MRTFB: variants seen among roughly 807,000 people sequenced by gnomAD.
MRTFB encodes the protein myocardin-related transcription factor B.
MRTFB carries 29 observed loss-of-function variants against 104.2 expected under a neutral mutation model. That is an observed-to-expected ratio of 0.28 (90% confidence interval 0.21 to 0.38). MRTFB has a LOEUF of 0.38. Among genes scored for constraint, MRTFB ranks in the 10% least tolerant of loss-of-function variants. The probability of loss-of-function intolerance (pLI) is 1.00; values close to 1 mark genes in which losing one functional copy is unlikely to be tolerated. For missense variants in MRTFB, 1,270 were observed against 1,341.6 expected (o/e 0.95, Z 0.83); for synonymous variants, 535 against 519.5 (o/e 1.03, Z -0.41).
the MRTFB span, among the ~76,000 whole-genome samples, chr16:14,063,671 G>A: frequency 6.6e-6 from 1 of 152,198 alleles, no homozygotes; most frequent in Non-Finnish European, 1.5e-5. Flanking sequence ...CACCATTCCT[G>A]TTGGTCAATC....
chr16:14,226,840 G>A (rs2042023964), intron 8 of MRTFB, among the ~76,000 whole-genome samples: 1 of 151,830 alleles, frequency 6.6e-6, no homozygotes, highest in Admixed American at 6.6e-5. Context: ...AAATTAGCTG[G>A]GCATGGTGGC....
At chr16:14,226,670 G>C (rs1429101346) in intron 8 of MRTFB, among the ~76,000 whole-genome samples, 1 of 152,054 alleles carries the variant, frequency 6.6e-6, no homozygotes, top group African/African-American at 2.4e-5. Flanking sequence ...TTTGAGGAAA[G>C]AAATCTTTCC....
intron 1 of MRTFB, among the ~76,000 whole-genome samples, chr16:14,073,996 A>G (rs779866635): frequency 2.0e-5 from 3 of 152,172 alleles, no homozygotes; most frequent in Non-Finnish European, 4.4e-5. Flanking sequence ...TAACATTTAT[A>G]TATGTTACAA....
chr16:14,011,816 G>C, the MRTFB span, among the ~76,000 whole-genome samples: 1 of 152,200 alleles, frequency 6.6e-6, no homozygotes, highest in African/African-American at 2.4e-5. Flanking sequence ...AGGTTGCAGT[G>C]AGCCAAGATC....
At chr16:14,083,506 C>T (rs1024527033) in intron 2 of MRTFB, among the ~76,000 whole-genome samples, 2 of 152,064 alleles carry the variant, frequency 1.3e-5, no homozygotes, top group Non-Finnish European at 2.9e-5. Flanking sequence ...GAGTCAGGGG[C>T]CATGGAGGTC....
At chr16:14,099,369 GT>G (rs1027224790) in intron 2 of MRTFB, among the ~76,000 whole-genome samples, 6 of 144,172 alleles carry the variant, frequency 4.2e-5, no homozygotes, top group African/African-American at 1.1e-4. Flanking sequence ...AATTACGTGG[GT>G]TTTTTTGGTG....
chr16:14,036,479 T>C, the MRTFB span, among the ~76,000 whole-genome samples: 3,293 of 147,602 alleles, frequency 0.022, 126 homozygotes, highest in African/African-American at 0.076. Flanking sequence ...GAAATATATA[T>C]ATTCCATCAT....
intron 2 of MRTFB, among the ~76,000 whole-genome samples, chr16:14,095,956 C>T (rs1567316621): frequency 6.6e-6 from 1 of 152,098 alleles, no homozygotes; most frequent in East Asian, 1.9e-4. Flanking sequence ...GAACATGTGA[C>T]AGGGAATCAT....
chr16:14,179,574 G>C (rs1009867184), intron 3 of MRTFB, among the ~76,000 whole-genome samples: 16 of 152,182 alleles, frequency 1.1e-4, no homozygotes, highest in African/African-American at 3.9e-4. Context: ...ACCAAATCCT[G>C]AGACTCTGTG....
intron 1 of MRTFB, among the ~76,000 whole-genome samples, chr16:14,075,170 A>G (rs770458107): frequency 6.6e-6 from 1 of 152,232 alleles, no homozygotes; most frequent in Non-Finnish European, 1.5e-5. Flanking sequence ...TACACAGTTT[A>G]TATGGGAAGC....
chr16:14,243,890 C>CA (rs1335417524), intron 10 of MRTFB, among the ~76,000 whole-genome samples: 1 of 99,136 alleles, frequency 1.0e-5, no homozygotes, highest in African/African-American at 1.1e-4. Context: ...GACAGAGTCT[C>CA]ACTCTGTCGC....
intron 2 of MRTFB, among the ~76,000 whole-genome samples, chr16:14,101,681 G>C (rs2035709595): frequency 6.6e-6 from 1 of 152,164 alleles, no homozygotes; most frequent in Admixed American, 6.5e-5. Flanking sequence ...CTGTTGAAGA[G>C]GAGGAAAACT....
intron 8 of MRTFB, among the ~76,000 whole-genome samples, chr16:14,230,043 A>G (rs992347853): frequency 6.6e-6 from 1 of 152,164 alleles, no homozygotes; most frequent in Non-Finnish European, 1.5e-5. Context: ...TGGATTCCCT[A>G]TTTAATAAAT....
chr16:14,170,030 ACTAGATAACCACTG>A (rs1183928153), intron 3 of MRTFB: 2 of 152,158 alleles, frequency 1.3e-5, no homozygotes, highest in Non-Finnish European at 2.9e-5. Context: ...AAGCCCTACC[ACTAGATAACCACTG>A]TAACATTTTC....
At chr16:14,197,770 G>C in intron 3 of MRTFB, among the ~76,000 whole-genome samples, 1 of 152,120 alleles carries the variant, frequency 6.6e-6, no homozygotes. Context: ...ATATAATGTA[G>C]TTGTTATTGT....
chr16:14,244,033 A>G (rs2042906598), intron 10 of MRTFB, among the ~76,000 whole-genome samples: 1 of 151,440 alleles, frequency 6.6e-6, no homozygotes, highest in Non-Finnish European at 1.5e-5. Flanking sequence ...GCCCGCCACC[A>G]CGCCTGGCTA....
intron 3 of MRTFB, among the ~76,000 whole-genome samples, chr16:14,159,359 A>T (rs1261894943): frequency 6.6e-6 from 1 of 152,224 alleles, no homozygotes; most frequent in Non-Finnish European, 1.5e-5. Flanking sequence ...AAGAAATTTT[A>T]AAAATTTCTC....
chr16:14,132,867 GACTA>G (rs2037508463), intron 2 of MRTFB, among the ~76,000 whole-genome samples: 1 of 152,168 alleles, frequency 6.6e-6, no homozygotes, highest in African/African-American at 2.4e-5. Flanking sequence ...GTTCTGTTCT[GACTA>G]ACTGAGTTGT....
chr16:14,155,371 A>G (rs2038791223), intron 3 of MRTFB, among the ~76,000 whole-genome samples: 1 of 152,072 alleles, frequency 6.6e-6, no homozygotes, highest in Non-Finnish European at 1.5e-5. Flanking sequence ...ATACTTGTAT[A>G]TAGTTATAGT....
Sources: gnomAD v4.1 joint callset for allele counts (sites outside exome capture counted in the v4.1 genomes callset) on GRCh38, gnomAD v4.1.1 for gene constraint, MANE v1.5 for transcripts, NCBI Gene and HGNC (gene_info 2026-07-23, HGNC 2026-07-21) for gene names.